CD5L: variants seen among roughly 807,000 people sequenced by gnomAD.
CD5L encodes the protein CD5 antigen-like.
CD5L carries 39 observed loss-of-function variants against 40.8 expected under a neutral mutation model. The ratio of observed to expected loss-of-function variants is 0.96; its 90% CI spans 0.74 to 1.25. The LOEUF is 1.25. Ranked by LOEUF, CD5L falls within the 50% of genes most tolerant of loss-of-function variation. The probability of loss-of-function intolerance (pLI) is 0.00; values close to 1 mark genes in which losing one functional copy is unlikely to be tolerated. For missense variants in CD5L, 433 were observed against 435.9 expected (o/e 0.99, Z 0.06); for synonymous variants, 192 against 169.6 (o/e 1.13, Z -1.03).
Position 157,841,669 on chromosome 1 carries a change from C to T in CD5L, c.28+5G>A. 2 of 1,612,902 alleles carry T rather than the reference C, an allele frequency of 1.2e-6. No homozygotes were observed. Among genetic ancestry groups the T allele is most frequent in the Non-Finnish European group, 1.7e-6 (2 of 1,179,436 alleles). ...GCCTAAACCAACAGGTGCAGAGATA[C>T]TCACCAAGGATCAAGGAGAATAGCA... On this transcript the variant is annotated splice_donor_5th_base_variant and intron_variant, in intron 1 of 5. Transcript: ENST00000368174.
At chr1:157,835,578 G>A (rs951658322) in intron 3 of CD5L, among the ~76,000 whole-genome samples, 4 of 152,226 alleles carry the variant, frequency 2.6e-5, no homozygotes, top group African/African-American at 7.2e-5. Flanking sequence ...ATGTTGGCAT[G>A]TGTGTAAATA....
At chr1:157,832,973 T>C (rs1656088802) in intron 5 of CD5L, among the ~76,000 whole-genome samples, 1 of 152,178 alleles carries the variant, frequency 6.6e-6, no homozygotes, top group Non-Finnish European at 1.5e-5. Flanking sequence ...AATACGTATA[T>C]AGTGTCAGCC....
rs768823281 is a variant in CD5L, at chr1:157,833,406, T to G, written c.825A>C (p.Glu275Asp). 4.3e-6 allele frequency: 7 copies of G among 1,613,998 alleles called. No homozygotes were observed. In the South Asian group the frequency reaches 7.7e-5, roughly 18 times the overall value. Reference sequence around the variant, plus strand: ...GCTTGCATACCACCTGGTCCTCCTTTTCTCCCCAGTTGTCATCACAGACAG... The same window carrying G: ...GCTTGCATACCACCTGGTCCTCCTTGTCTCCCCAGTTGTCATCACAGACAG... The part of the protein sequence containing the change: ...WGSVCDDNWG[E>D]KEDQVVCKQL... The change falls in exon 5 of 6, where the codon GAA becomes GAC. Residue 275 changes from glutamate (E) to aspartate (D), a missense_variant. Transcript: ENST00000368174.
chr1:157,837,381 GT>G lies in CD5L; in HGVS notation c.56-1227del, dbSNP rs1656247188. Among the ~76,000 whole-genome samples, 4 of 10,718 alleles carry G rather than the reference GT, an allele frequency of 3.7e-4. No individual in the cohort carries two copies. In the Admixed American group the frequency reaches 4.2e-3, roughly 11 times the overall value. The allele number at this position is 10,718 out of a possible 152,430, so 7.0% of individuals were successfully genotyped here. A position where few individuals can be genotyped will look rare whatever the true frequency, so the allele number is the denominator to read the frequency against. On this transcript the variant is annotated intron_variant, in intron 2 of 5. Transcript: ENST00000368174. ...ACATTTCTGTTTTGTTTGTTTGTTA[GT>G]TAGTGAACTCAGAGAACAGTGATGA...
downstream of CD5L, among the ~76,000 whole-genome samples, chr1:157,830,333 A>C (rs1383653412): frequency 1.3e-5 from 2 of 149,852 alleles, no homozygotes; most frequent in Admixed American, 6.7e-5. Flanking sequence ...CCATCATTTG[A>C]GCTTTGCAAT....
Position 157,833,529 on chromosome 1 carries a change from G to A in CD5L, c.719-17C>T. 6.3e-7 allele frequency: 1 copy of A among 1,580,948 alleles called. No individual in the cohort carries two copies. The highest frequency in any genetic ancestry group is 8.6e-7 in the Non-Finnish European group (1 of 1,157,288). Reference sequence around the variant, plus strand: ...CAAAGGGATCTGCAGGATGGGGGAGGAAGTCAGGGGTTGGAGACAGGAAGG... The same window carrying A: ...CAAAGGGATCTGCAGGATGGGGGAGAAAGTCAGGGGTTGGAGACAGGAAGG... On this transcript the variant is annotated splice_polypyrimidine_tract_variant and intron_variant, in intron 4 of 5. Coordinates refer to ENST00000368174, the MANE Select transcript of CD5L (RefSeq NM_005894.3).
intron 3 of CD5L, 107 bp from the exon 4 acceptor site, chr1:157,834,855 C>A (rs1468386975): frequency 8.8e-6 from 7 of 792,370 alleles, no homozygotes; most frequent in Non-Finnish European, 1.4e-5. Context: ...CAGTACAAGG[C>A]ATGCTAAAGT....
chr1:157,840,754 C>T (rs567678880), intron 1 of CD5L, among the ~76,000 whole-genome samples: 2 of 152,262 alleles, frequency 1.3e-5, no homozygotes, highest in South Asian at 4.1e-4. Flanking sequence ...CTGCAGAAGG[C>T]ACAGGCCAGA....
chr1:157,829,319 A>G (rs1444510432), downstream of CD5L, among the ~76,000 whole-genome samples: 1 of 152,236 alleles, frequency 6.6e-6, no homozygotes, highest in East Asian at 1.9e-4. Flanking sequence ...AGACATTGAG[A>G]ATAATTGAAA....
rs558693417 is a variant in CD5L at position 157,841,718 on chromosome 1, G to A, written c.-17C>T. 31 of 1,612,222 alleles carry A rather than the reference G, an allele frequency of 1.9e-5. 1 individual carries two copies. In the South Asian group the frequency reaches 3.4e-4, roughly 18 times the overall value. ...CAGAGCCATGACCAAGGCAGGTGAA[G>A]GTGATGAGCTGAAATTTAAGGCTAG... is the stretch of plus-strand genomic sequence containing the variant. On this transcript the variant is annotated 5_prime_UTR_variant, in exon 1 of 6. Coordinates refer to ENST00000368174, the MANE Select transcript of CD5L (RefSeq NM_005894.3).
intron 2 of CD5L, among the ~76,000 whole-genome samples, chr1:157,838,466 T>A (rs192036885): frequency 6.6e-6 from 1 of 152,284 alleles, no homozygotes; most frequent in Admixed American, 6.5e-5. Flanking sequence ...ATATTTTCTT[T>A]CCTTGCTGAT....
intron 1 of CD5L, 128 bp from the exon 2 acceptor site, chr1:157,839,538 C>T (rs2101941333): frequency 1.5e-5 from 13 of 875,858 alleles, no homozygotes; most frequent in Non-Finnish European, 2.3e-5. Flanking sequence ...AATGTCAGTC[C>T]TGTTGGGACC....
At chr1:157,827,313 T>TG, downstream of CD5L, among the ~76,000 whole-genome samples, 1 of 148,448 alleles carries the variant, frequency 6.7e-6, no homozygotes, top group African/African-American at 2.5e-5. Context: ...TGTGTGTGTG[T>TG]TATAATGTAT....
In CD5L at chr1:157,841,687, G is replaced by A. The variant is rs760365605; in HGVS notation, c.15C>T (p.Phe5=). Residue 5 remains phenylalanine (F), a synonymous_variant, in exon 1 of 6, where the codon TTC becomes TTT. Coordinates refer to ENST00000368174, the MANE Select transcript of CD5L (RefSeq NM_005894.3). ...AGAGATACTCACCAAGGATCAAGGA[G>A]AATAGCAGAGCCATGACCAAGGCAG... MALL[F]SLILAICTRP... The A allele has an allele frequency of 2.0e-5, 33 of 1,613,186 alleles. 1 individual carries two copies. The East Asian group carries it at 7.1e-4, about 35-fold the overall frequency.
At position 157,841,683 on chromosome 1, in the gene CD5L, A is replaced by C. The variant is rs1656376827; in HGVS notation, c.19T>G (p.Leu7Val). Residue 7 changes from leucine to valine, a missense_variant, in exon 1 of 6, where the codon TTG becomes GTG. Coordinates refer to ENST00000368174, the MANE Select transcript of CD5L (RefSeq NM_005894.3). MALLFSLILAICTRPGF... is the reference protein window; with the variant it reads MALLFSVILAICTRPGF... ...GTGCAGAGATACTCACCAAGGATCA[A>C]GGAGAATAGCAGAGCCATGACCAAG... The C allele has an allele frequency of 6.2e-7, 1 of 1,613,224 alleles. No homozygotes were observed. Among genetic ancestry groups the C allele is most frequent in the African/African-American group, 1.3e-5 (1 of 74,920 alleles).
Position 157,834,465 on chromosome 1 carries a change from A to G in CD5L, c.660T>C (p.Ser220=). The change falls in exon 4 of 6, where the codon TCT becomes TCC. Residue 220 remains serine (S), a synonymous_variant. Transcript: ENST00000368174. ...TGCAGGTGTTCTTCCCCCAAGGCCC[A>G]GAAGGGCAATCCTGAAGGGTTGCTT... ...GREATLQDCP[S]GPWGKNTCNH... The G allele has an allele frequency of 6.2e-7, 1 of 1,614,218 alleles. No homozygotes were observed. Among genetic ancestry groups the G allele is most frequent in the Non-Finnish European group, 8.5e-7 (1 of 1,180,040 alleles).
At position 157,834,889 on chromosome 1, in the gene CD5L, C is replaced by A. The variant is rs1410940876; in HGVS notation, c.377-141G>T. 7.1e-6 allele frequency: 4 copies of A among 566,320 alleles called. No individual in the cohort carries two copies. The East Asian group carries it at 8.7e-5, about 12-fold the overall frequency. The allele number at this position is 566,320 out of a possible 1,614,324, so 35.1% of individuals were successfully genotyped here. ...GTGCTTAACACTGCCTCATAGATGC[C>A]TGCTGAAAGAATGAATGAGGGAATC... is the stretch of plus-strand genomic sequence containing the variant. On this transcript the variant is annotated intron_variant, in intron 3 of 5. Transcript: ENST00000368174.
intron 1 of CD5L, 81 bp downstream of exon 1, chr1:157,841,593 C>A: frequency 8.3e-7 from 1 of 1,201,624 alleles, no homozygotes; most frequent in Non-Finnish European, 1.2e-6. Context: ...AAATCTGTTC[C>A]AGGTTGGCGG....
intron 2 of CD5L, 89 bp downstream of exon 2, chr1:157,839,295 A>G: frequency 1.5e-6 from 2 of 1,298,196 alleles, no homozygotes; most frequent in Non-Finnish European, 2.2e-6. Flanking sequence ...CCTGTTTTGA[A>G]CAAGTCTTTC....
Sources: gnomAD v4.1 joint callset for allele counts (sites outside exome capture counted in the v4.1 genomes callset) on GRCh38, gnomAD v4.1.1 for gene constraint, MANE v1.5 for transcripts, NCBI Gene and HGNC (gene_info 2026-07-23, HGNC 2026-07-21) for gene names.